Variants in KPNA3 observed in about 807,000 individuals in gnomAD.
KPNA3 encodes karyopherin subunit alpha 3.
Under a neutral mutation model 73.8 loss-of-function variants are expected in KPNA3, and 13 were observed. The ratio of observed to expected loss-of-function variants is 0.18; its 90% CI spans 0.11 to 0.28. The LOEUF (loss-of-function observed/expected upper bound fraction) is 0.28. KPNA3 is among the 10% of genes least tolerant of loss of function. The pLI, the probability that KPNA3 is intolerant of heterozygous loss-of-function variation, is 1.00. For synonymous variants in KPNA3, 186 were observed against 206.9 expected (o/e 0.90, Z 0.87); for missense variants, 360 against 618.1 (o/e 0.58, Z 4.43).
rs1229501282 is a variant in KPNA3 at position 49,771,600 on chromosome 13, G to A, written c.69+20838C>T. ...CAAGTAGCTGGGACTACAGGCATAT[G>A]CTACCACACCCAGCTTTTTAAATTT... On this transcript the variant is annotated intron_variant, in intron 1 of 16. Coordinates refer to ENST00000261667, the MANE Select transcript of KPNA3 (RefSeq NM_002267.4). Among the ~76,000 whole-genome samples, 3 of 152,172 alleles carry A rather than the reference G, an allele frequency of 2.0e-5. No homozygotes were observed. The East Asian group carries it at 5.8e-4, about 29-fold the overall frequency.
Position 49,792,544 on chromosome 13 carries a change from T to TGCTGCG in KPNA3, c.-39_-38insCGCAGC. 1 of 1,288,846 alleles carries TGCTGCG rather than the reference T, an allele frequency of 7.8e-7. No individual in the cohort carries two copies. 79.8% of individuals were successfully genotyped at this position (1,288,846 alleles called of 1,614,324 possible). A position where few individuals can be genotyped will look rare whatever the true frequency, so the allele number is the denominator to read the frequency against. On this transcript the variant is annotated 5_prime_UTR_variant, in exon 1 of 17. Transcript: ENST00000261667. ...CTCCGGCGGCGGCTACTCCTGCGGCTGCGGCGGCGGCGGCGGCGAATCTTG... is the reference window on the plus strand; with the variant it reads ...CTCCGGCGGCGGCTACTCCTGCGGCTGCTGCGGCGGCGGCGGCGGCGGCGAATCTTG...
intron 16 of KPNA3, 84 bp from the exon 17 acceptor site, chr13:49,701,982 C>G (rs1954152609): frequency 6.2e-6 from 5 of 809,748 alleles, no homozygotes; most frequent in Non-Finnish European, 8.2e-6. Context: ...TACCTCTTAG[C>G]AAATAATTCT....
intron 12 of KPNA3, among the ~76,000 whole-genome samples, chr13:49,706,874 G>T (rs775212422): frequency 6.6e-6 from 1 of 151,784 alleles, no homozygotes; most frequent in African/African-American, 2.4e-5. Context: ...TCAGTCTCCC[G>T]AGTAGCTGGG....
intron 10 of KPNA3, among the ~76,000 whole-genome samples, chr13:49,711,396 T>C (rs563258717): frequency 1.3e-5 from 2 of 152,336 alleles, no homozygotes; most frequent in East Asian, 3.9e-4. Flanking sequence ...CAACACACCA[T>C]ACTGTTTCAA....
At chr13:49,741,157 CAGT>C (rs1291877724) in intron 2 of KPNA3, among the ~76,000 whole-genome samples, 4 of 152,108 alleles carry the variant, frequency 2.6e-5, no homozygotes, top group African/African-American at 4.8e-5. Flanking sequence ...GATATATACA[CAGT>C]AGTGGGATTG....
At chr13:49,741,779 T>C (rs1467572282) in intron 2 of KPNA3, among the ~76,000 whole-genome samples, 2 of 152,210 alleles carry the variant, frequency 1.3e-5, no homozygotes, top group East Asian at 3.8e-4. Flanking sequence ...ATTGTTAGTT[T>C]TCTTGCTATT....
At chr13:49,703,705 T>C (rs541353654) in intron 15 of KPNA3, among the ~76,000 whole-genome samples, 22 of 152,214 alleles carry the variant, frequency 1.4e-4, no homozygotes, top group Non-Finnish European at 2.6e-4. Context: ...ACAGATATCA[T>C]AGAATGCCTT....
chr13:49,747,204 G>C (rs1954624086), intron 1 of KPNA3, among the ~76,000 whole-genome samples: 1 of 152,032 alleles, frequency 6.6e-6, no homozygotes, highest in East Asian at 1.9e-4. Context: ...AATTAGCCGG[G>C]CTTGGTGGCA....
Position 49,736,002 on chromosome 13 carries a change from A to G in KPNA3, c.115-2956T>C, listed in dbSNP as rs1594442949. Among the ~76,000 whole-genome samples, 4 of 152,328 alleles carry G rather than the reference A, an allele frequency of 2.6e-5. No homozygotes were observed. The South Asian group carries it at 8.3e-4, about 32-fold the overall frequency. ...AAACTTGTGGAGCAAGTTTGATGCC[A>G]ATTCTTTTAAATCTTATGAAAAGGA... On this transcript the variant is annotated intron_variant, in intron 2 of 16. Transcript: ENST00000261667.
At chr13:49,718,587 C>A (rs1384502890) in intron 10 of KPNA3, among the ~76,000 whole-genome samples, 2 of 152,208 alleles carry the variant, frequency 1.3e-5, no homozygotes, top group African/African-American at 4.8e-5. Context: ...ACTAAACTTA[C>A]CTTTCAACAG....
chr13:49,790,496 T>C (rs2137613397), intron 1 of KPNA3, among the ~76,000 whole-genome samples: 1 of 152,340 alleles, frequency 6.6e-6, no homozygotes, highest in South Asian at 2.1e-4. Flanking sequence ...AAAGTGGGGA[T>C]AATGCCACAC....
intron 1 of KPNA3, among the ~76,000 whole-genome samples, chr13:49,759,910 A>G (rs1954744139): frequency 7.0e-6 from 1 of 142,016 alleles, no homozygotes; most frequent in Non-Finnish European, 1.6e-5. Flanking sequence ...ATCCTAGTAA[A>G]TAACAGACTT....
In KPNA3 at chr13:49,761,850, C is replaced by T. The variant is rs192704361; in HGVS notation, c.70-14857G>A. ...GATGTGGGGAGCGCCTCTGCCCAGACGCCCCGTCTGGGATGTGAGGAGCGC... is the reference window on the plus strand; with the variant it reads ...GATGTGGGGAGCGCCTCTGCCCAGATGCCCCGTCTGGGATGTGAGGAGCGC... On this transcript the variant is annotated intron_variant, in intron 1 of 16. Transcript: ENST00000261667. 7.0e-3 allele frequency among the ~76,000 whole-genome samples: 1,062 copies of T among 151,202 alleles called. 7 individuals are homozygous for T. Among genetic ancestry groups the T allele is most frequent in the Non-Finnish European group, 0.012 (842 of 67,586 alleles).
chr13:49,761,341 T>G (rs1954758316), intron 1 of KPNA3, among the ~76,000 whole-genome samples: 1 of 152,122 alleles, frequency 6.6e-6, no homozygotes, highest in Admixed American at 6.5e-5. Flanking sequence ...CCTCCCTGCC[T>G]GATTCTCCCG....
chr13:49,704,457 ATAAATAAAT>A (rs1196193019), intron 15 of KPNA3, among the ~76,000 whole-genome samples: 1 of 92,890 alleles, frequency 1.1e-5, no homozygotes, highest in African/African-American at 2.9e-5. Flanking sequence ...AAATAAATAA[ATAAATAAAT>A]AAATAAATAA....
In KPNA3 at chr13:49,762,777, T is replaced by C. The variant is rs1445033206; in HGVS notation, c.70-15784A>G. On this transcript the variant is annotated intron_variant, in intron 1 of 16. Transcript: ENST00000261667. The stretch of plus-strand genomic sequence containing the variant: ...AGGAAAACCAGAGACCTTTGTTCAC[T>C]TGTTTATCTGCTGACCTTCCCTCCA... 2.0e-5 allele frequency among the ~76,000 whole-genome samples: 3 copies of C among 152,040 alleles called. No individual in the cohort carries two copies. The East Asian group carries it at 5.8e-4, about 29-fold the overall frequency.
At chr13:49,707,886 T>C (rs1954222525) in intron 12 of KPNA3, among the ~76,000 whole-genome samples, 1 of 152,122 alleles carries the variant, frequency 6.6e-6, no homozygotes, top group African/African-American at 2.4e-5. Flanking sequence ...ACAAATATAG[T>C]TATGATGACG....
intron 15 of KPNA3, among the ~76,000 whole-genome samples, chr13:49,704,471 A>AG (rs1566330897): frequency 5.0e-5 from 6 of 118,982 alleles, no homozygotes; most frequent in South Asian, 2.7e-4. Context: ...ATAAATAAAT[A>AG]AATAAATAAA....
chr13:49,780,811 C>G (rs1954935187), intron 1 of KPNA3, among the ~76,000 whole-genome samples: 1 of 151,444 alleles, frequency 6.6e-6, no homozygotes, highest in Non-Finnish European at 1.5e-5. Flanking sequence ...ACCTCTGCCT[C>G]CCAGGTTCAA....
Sources: gnomAD v4.1 joint callset for allele counts (sites outside exome capture counted in the v4.1 genomes callset) on GRCh38, gnomAD v4.1.1 for gene constraint, MANE v1.5 for transcripts, NCBI Gene and HGNC (gene_info 2026-07-23, HGNC 2026-07-21) for gene names.